Variants in CHCHD3 observed in about 807,000 individuals in gnomAD.
The protein encoded by CHCHD3 is coiled-coil-helix-coiled-coil-helix domain containing 3.
Under a neutral mutation model 38.2 loss-of-function variants are expected in CHCHD3, and 20 were observed. That is an observed-to-expected ratio of 0.52 (90% CI 0.37 to 0.76). The LOEUF is 0.76. Among genes scored for constraint, CHCHD3 ranks in the 30% least tolerant of loss-of-function variants. The pLI, the probability that CHCHD3 is intolerant of heterozygous loss-of-function variation, is 0.00. For missense variants in CHCHD3, 245 were observed against 279.2 expected (o/e 0.88, Z 0.87); for synonymous variants, 82 against 100.0 (o/e 0.82, Z 1.07).
chr7:132,955,535 G>T lies in CHCHD3; in HGVS notation c.369+19634C>A, dbSNP rs150726750. Reference sequence around the variant, plus strand: ...GTTTTTTGTTTGTTTGTTTTTTGGGGTTTTTTGTTTTTTTTTTTTAATGTG... The same window carrying T: ...GTTTTTTGTTTGTTTGTTTTTTGGGTTTTTTTGTTTTTTTTTTTTAATGTG... On this transcript the variant is annotated intron_variant, in intron 4 of 7. Coordinates refer to ENST00000262570, the MANE Select transcript of CHCHD3 (RefSeq NM_017812.4). Among the ~76,000 whole-genome samples the T allele has an allele frequency of 4.5e-4, 66 of 146,982 alleles. 2 individuals carry two copies. In the East Asian group the frequency reaches 0.011, roughly 25 times the overall value.
chr7:132,929,761 G>C (rs1810472090), intron 4 of CHCHD3, among the ~76,000 whole-genome samples: 1 of 152,182 alleles, frequency 6.6e-6, no homozygotes, highest in African/African-American at 2.4e-5. Context: ...GGCCCAGAGA[G>C]ACAGGAAGAG....
chr7:132,983,402 A>G (rs1333483080), intron 3 of CHCHD3, among the ~76,000 whole-genome samples: 1 of 152,234 alleles, frequency 6.6e-6, no homozygotes, highest in East Asian at 1.9e-4. Context: ...ACGGAAACGT[A>G]AACAGAGGTA....
intron 2 of CHCHD3, among the ~76,000 whole-genome samples, chr7:133,030,960 T>C (rs1813484156): frequency 6.6e-6 from 1 of 152,144 alleles, no homozygotes; most frequent in Admixed American, 6.5e-5. Flanking sequence ...CAAATTTTTG[T>C]TTGTCTTTAC....
intron 4 of CHCHD3, among the ~76,000 whole-genome samples, chr7:132,934,641 A>G (rs967561817): frequency 2.0e-5 from 3 of 152,180 alleles, no homozygotes; most frequent in African/African-American, 7.2e-5. Flanking sequence ...CAGGGCCATC[A>G]TGGAGTAGAT....
intron 4 of CHCHD3, chr7:132,973,911 T>C (rs1442110923): frequency 8.0e-7 from 1 of 1,248,132 alleles, no homozygotes; most frequent in African/African-American, 1.6e-5. Context: ...TTCCCAACTG[T>C]GCTCCAATGA....
chr7:132,883,453 A>G (rs1809122305), intron 5 of CHCHD3, among the ~76,000 whole-genome samples: 1 of 152,216 alleles, frequency 6.6e-6, no homozygotes, highest in African/African-American at 2.4e-5. Context: ...GGCATCTGAC[A>G]TCAGAGCCTT....
chr7:132,869,554 A>AAT (rs1300495557), intron 5 of CHCHD3, among the ~76,000 whole-genome samples: 1 of 152,050 alleles, frequency 6.6e-6, no homozygotes, highest in African/African-American at 2.4e-5. Flanking sequence ...TTCGAAAGCA[A>AAT]ATATATATAT....
intron 2 of CHCHD3, among the ~76,000 whole-genome samples, chr7:133,039,052 C>A (rs1813757050): frequency 6.6e-6 from 1 of 152,238 alleles, no homozygotes; most frequent in Non-Finnish European, 1.5e-5. Context: ...AAAATGGAAT[C>A]TGACAACTGC....
chr7:133,030,094 T>C (rs1813459334), intron 2 of CHCHD3, among the ~76,000 whole-genome samples: 1 of 150,870 alleles, frequency 6.6e-6, no homozygotes, highest in African/African-American at 2.4e-5. Context: ...AAATGAGAAG[T>C]TAAAATAACA....
chr7:132,939,620 T>A (rs1431281116), intron 4 of CHCHD3, among the ~76,000 whole-genome samples: 1 of 152,166 alleles, frequency 6.6e-6, no homozygotes, highest in Non-Finnish European at 1.5e-5. Flanking sequence ...CTTTGTTATT[T>A]ATGACTGTAC....
Position 133,035,854 on chromosome 7 carries a change from G to A in CHCHD3, c.170-11227C>T. ...ACGCGGATCTGAGCCCCGCTGTACTGAGCAGCGATGAGAGCCTTGAAGGCC... is the reference window on the plus strand; with the variant it reads ...ACGCGGATCTGAGCCCCGCTGTACTAAGCAGCGATGAGAGCCTTGAAGGCC... On this transcript the variant is annotated intron_variant, in intron 2 of 7. Transcript: ENST00000262570. This position sits in a 1 kb window ranked among gnomAD's most constrained non-coding sequence, Gnocchi z 4.7. 2.5e-6 allele frequency: 4 copies of A among 1,613,170 alleles called. No individual in the cohort carries two copies. Among genetic ancestry groups the A allele is most frequent in the Non-Finnish European group, 3.4e-6 (4 of 1,179,130 alleles).
rs980223871 is a variant in CHCHD3, at chr7:132,896,113, G to A, written c.370-10368C>T. On this transcript the variant is annotated intron_variant, in intron 4 of 7. Transcript: ENST00000262570. ...GGTGGTTGGGTTGAATTGCAAAGGC[G>A]TAAGGTACAAAAGCAATGAGAGTGG... Among the ~76,000 whole-genome samples, 7 of 152,308 alleles carry A rather than the reference G, an allele frequency of 4.6e-5. No homozygotes were observed. The East Asian group carries it at 1.3e-3, about 29-fold the overall frequency.
At chr7:132,935,572 T>C (rs963114011) in intron 4 of CHCHD3, among the ~76,000 whole-genome samples, 5 of 152,196 alleles carry the variant, frequency 3.3e-5, no homozygotes, top group Admixed American at 6.5e-5. Context: ...ATATTTCATA[T>C]AGTGCCTATA....
chr7:133,020,195 G>C (rs1813142239), intron 3 of CHCHD3, among the ~76,000 whole-genome samples: 1 of 151,980 alleles, frequency 6.6e-6, no homozygotes, highest in Non-Finnish European at 1.5e-5. Flanking sequence ...ATAAATCTAA[G>C]ACAAAATGAA....
rs144225843 is a variant in CHCHD3, at chr7:133,044,699, G to A, written c.170-20072C>T. 6.8e-4 allele frequency among the ~76,000 whole-genome samples: 103 copies of A among 152,358 alleles called. 1 individual carries two copies. The highest frequency in any genetic ancestry group is 2.4e-3 in the African/African-American group (99 of 41,586). The stretch of plus-strand genomic sequence containing the variant: ...GTGAAATACAAAAAGACTGTAAAGT[G>A]TTGGTAATGATTAGAAAGCCCAAGG... On this transcript the variant is annotated intron_variant, in intron 2 of 7. Coordinates refer to ENST00000262570, the MANE Select transcript of CHCHD3 (RefSeq NM_017812.4).
At chr7:133,075,480 G>A (rs1192982006) in intron 1 of CHCHD3, among the ~76,000 whole-genome samples, 6 of 152,106 alleles carry the variant, frequency 3.9e-5, no homozygotes, top group African/African-American at 1.2e-4. Flanking sequence ...TCATAGCGAC[G>A]TAGATATGAG....
chr7:132,824,246 T>G (rs1335882313), intron 6 of CHCHD3, among the ~76,000 whole-genome samples: 1 of 150,780 alleles, frequency 6.6e-6, no homozygotes, highest in Admixed American at 6.6e-5. Flanking sequence ...AAAGGCATAA[T>G]CCTAGTGGTG....
Position 133,080,167 on chromosome 7 carries a change from T to G in CHCHD3, c.81+1690A>C, listed in dbSNP as rs75502628. Among the ~76,000 whole-genome samples the G allele has an allele frequency of 5.4e-3, 821 of 152,314 alleles. 8 individuals carry two copies. The highest frequency in any genetic ancestry group is 0.014 in the Middle Eastern group (4 of 294). ...AGCATAGAGGTAAAAATGATCATGCTTGAACTGTTAGCAATACAGGTAAAA... is the reference window on the plus strand; with the variant it reads ...AGCATAGAGGTAAAAATGATCATGCGTGAACTGTTAGCAATACAGGTAAAA... On this transcript the variant is annotated intron_variant, in intron 1 of 7. Transcript: ENST00000262570.
At chr7:132,920,040 GA>G (rs1019164500) in intron 4 of CHCHD3, among the ~76,000 whole-genome samples, 1 of 152,148 alleles carries the variant, frequency 6.6e-6, no homozygotes, top group African/African-American at 2.4e-5. Flanking sequence ...AGCACACTGG[GA>G]ACGCACATCG....
Sources: allele counts gnomAD v4.1 joint callset (sites outside exome capture counted in the v4.1 genomes callset), GRCh38; gene constraint gnomAD v4.1.1; non-coding constraint Gnocchi (gnomAD v3.1); transcripts MANE v1.5; gene names NCBI Gene and HGNC (gene_info 2026-07-23, HGNC 2026-07-21).